BRINP3: variants seen among roughly 807,000 people sequenced by gnomAD.
BRINP3 encodes BMP/retinoic acid-inducible neural-specific protein 3.
Under a neutral mutation model 71.0 loss-of-function variants are expected in BRINP3, and 19 were observed. The ratio of observed to expected loss-of-function variants is 0.27; its 90% CI spans 0.19 to 0.39. The LOEUF is 0.39. Among genes scored for constraint, BRINP3 ranks in the 10% least tolerant of loss-of-function variants. BRINP3 has a pLI of 1.00. For synonymous variants in BRINP3, 380 were observed against 337.7 expected, an observed-to-expected ratio of 1.13 and a Z score of -1.37; for missense variants, 959 against 940.8, an observed-to-expected ratio of 1.02 and a Z score of -0.25.
At chr1:190,323,699 G>A (rs1372242741) in intron 2 of BRINP3, among the ~76,000 whole-genome samples, 1 of 151,616 alleles carries the variant, frequency 6.6e-6, no homozygotes, top group Non-Finnish European at 1.5e-5. Flanking sequence ...GAGATTACAT[G>A]GGAAAGCAAG....
At chr1:190,141,947 T>A (rs1035895467) in intron 7 of BRINP3, among the ~76,000 whole-genome samples, 1 of 152,048 alleles carries the variant, frequency 6.6e-6, no homozygotes, top group Non-Finnish European at 1.5e-5. Context: ...TCAAAAAAGA[T>A]ATCGATTATG....
At chr1:190,447,669 G>A (rs1334815389) in intron 2 of BRINP3, among the ~76,000 whole-genome samples, 4 of 149,500 alleles carry the variant, frequency 2.7e-5, no homozygotes, top group African/African-American at 4.9e-5. Flanking sequence ...CACTTCTGAC[G>A]TATGTTATAG....
chr1:190,240,253 G>T (rs980445297), intron 4 of BRINP3, among the ~76,000 whole-genome samples: 1 of 151,798 alleles, frequency 6.6e-6, no homozygotes, highest in African/African-American at 2.4e-5. Context: ...TTTTAAATAT[G>T]CAATTCTTAT....
At chr1:190,187,075 C>T (rs2102557011) in intron 6 of BRINP3, among the ~76,000 whole-genome samples, 1 of 152,202 alleles carries the variant, frequency 6.6e-6, no homozygotes, top group South Asian at 2.1e-4. Context: ...GCTTTTCAAA[C>T]CCCTGGGTGA....
intron 2 of BRINP3, among the ~76,000 whole-genome samples, chr1:190,310,971 C>A (rs1459221955): frequency 6.6e-6 from 1 of 151,636 alleles, no homozygotes; most frequent in Non-Finnish European, 1.5e-5. Flanking sequence ...AATTCCATAA[C>A]CAGCATGTAG....
chr1:190,308,429 G>A (rs1665273478), intron 2 of BRINP3, among the ~76,000 whole-genome samples: 1 of 151,746 alleles, frequency 6.6e-6, no homozygotes, highest in African/African-American at 2.4e-5. Context: ...CAAAGGAGGT[G>A]GGAATTGAAC....
At chr1:190,398,163 C>T (rs1671698726) in intron 2 of BRINP3, among the ~76,000 whole-genome samples, 2 of 151,784 alleles carry the variant, frequency 1.3e-5, no homozygotes. Context: ...CTAAATGATC[C>T]TATCATTAAT....
chr1:190,223,558 C>G (rs1049492855), intron 6 of BRINP3, among the ~76,000 whole-genome samples: 1 of 151,838 alleles, frequency 6.6e-6, no homozygotes. Context: ...TAACACTGTG[C>G]TGAATGAGAA....
At chr1:190,160,472 T>G (rs1657252916) in intron 7 of BRINP3, among the ~76,000 whole-genome samples, 196 bp downstream of exon 7, 1 of 152,088 alleles carries the variant, frequency 6.6e-6, no homozygotes, top group Admixed American at 6.6e-5. Flanking sequence ...TGCTAGTATA[T>G]ATTTTTCTCA....
intron 1 of BRINP3, among the ~76,000 whole-genome samples, chr1:190,455,375 A>G (rs905737807): frequency 6.6e-6 from 1 of 152,198 alleles, no homozygotes; most frequent in African/African-American, 2.4e-5. Flanking sequence ...TGAAGCAAAG[A>G]TATTCATGTA....
At chr1:190,336,978 T>C (rs1333793972) in intron 2 of BRINP3, among the ~76,000 whole-genome samples, 1 of 151,584 alleles carries the variant, frequency 6.6e-6, no homozygotes, top group South Asian at 2.1e-4. Flanking sequence ...AACTTTAGAA[T>C]GTAATGAATA....
In BRINP3 at chr1:190,191,056, C is replaced by T. The variant is rs183342542; in HGVS notation, c.962-30166G>A. Among the ~76,000 whole-genome samples the T allele has an allele frequency of 7.2e-5, 11 of 152,206 alleles. No homozygotes were observed. In the East Asian group the frequency reaches 2.1e-3, roughly 30 times the overall value. ...AAATCAGAGCTAAAGCATTTAACTG[C>T]ATTTATAAAGCAGACACACTAGTTT... On this transcript the variant is annotated intron_variant, in intron 6 of 7. Coordinates refer to ENST00000367462, the MANE Select transcript of BRINP3 (RefSeq NM_199051.3).
At chr1:190,466,463 A>G (rs1676756975) in intron 1 of BRINP3, among the ~76,000 whole-genome samples, 1 of 151,846 alleles carries the variant, frequency 6.6e-6, no homozygotes. Context: ...AGGAGCTTTC[A>G]AAGATGGTTC....
intron 2 of BRINP3, among the ~76,000 whole-genome samples, chr1:190,426,703 A>G (rs1165568348): frequency 6.6e-6 from 1 of 151,868 alleles, no homozygotes; most frequent in Non-Finnish European, 1.5e-5. Context: ...CCATGTTCCA[A>G]ATAATTTTGT....
chr1:190,436,892 A>G (rs549110439), intron 2 of BRINP3, among the ~76,000 whole-genome samples: 30 of 151,846 alleles, frequency 2.0e-4, no homozygotes, highest in Non-Finnish European at 3.7e-4. Flanking sequence ...TCCTGAAACT[A>G]TAATAATAAA....
chr1:190,298,378 G>C (rs1664412660), intron 2 of BRINP3, among the ~76,000 whole-genome samples: 1 of 150,764 alleles, frequency 6.6e-6, no homozygotes. Flanking sequence ...CATTTGTGTG[G>C]GTTAATTTTG....
chr1:190,210,473 A>T (rs1292726414), intron 6 of BRINP3, among the ~76,000 whole-genome samples: 2 of 152,098 alleles, frequency 1.3e-5, no homozygotes, highest in African/African-American at 4.8e-5. Context: ...TATATTAGAC[A>T]AACAGGCACA....
Position 190,098,904 on chromosome 1 carries a change from C to G in BRINP3, c.1415G>C (p.Gly472Ala), listed in dbSNP as rs1425807939. The change falls in exon 8 of 8, where the codon GGG (glycine) becomes GCG (alanine). Residue 472 changes from glycine (G) to alanine (A), a missense_variant. Physicochemically the swap from Gly to Ala is moderately conservative, Grantham distance 60. Coordinates refer to ENST00000367462, the MANE Select transcript of BRINP3 (RefSeq NM_199051.3). ...TCNTGYMLSQ[G>A]LCKPEVAEST... ...CTCGGCGACTTCAGGCTTGCAGAGC[C>G]CCTGGCTGAGCATGTAGCCGGTGTT... The G allele has an allele frequency of 6.2e-7, 1 of 1,614,124 alleles. No individual in the cohort carries two copies. The highest frequency in any genetic ancestry group is 8.5e-7 in the Non-Finnish European group (1 of 1,180,026).
At chr1:190,173,989 A>G (rs1234434378) in intron 6 of BRINP3, among the ~76,000 whole-genome samples, 1 of 152,184 alleles carries the variant, frequency 6.6e-6, no homozygotes, top group Non-Finnish European at 1.5e-5. Flanking sequence ...GGAGGAAACA[A>G]CATATCTATT....
Sources: allele counts gnomAD v4.1 joint callset (sites outside exome capture counted in the v4.1 genomes callset), GRCh38; gene constraint gnomAD v4.1.1; transcripts MANE v1.5; gene names NCBI Gene and HGNC (gene_info 2026-07-23, HGNC 2026-07-21).